The following ADAMTS13 variants were observed in gnomAD, a reference collection of about 807,000 sequenced individuals.
The protein encoded by ADAMTS13 is ADAM metallopeptidase with thrombospondin type 1 motif 13.
ADAMTS13 carries 110 observed loss-of-function variants against 155.1 expected under a neutral mutation model. The ratio of observed to expected loss-of-function variants is 0.71; its 90% CI spans 0.61 to 0.83. The LOEUF (loss-of-function observed/expected upper bound fraction) is 0.83. Among genes scored for constraint, ADAMTS13 ranks in the 40% least tolerant of loss-of-function variants. The pLI is 0.00. For synonymous variants in ADAMTS13, 758 were observed against 756.4 expected (o/e 1.00, Z -0.03); for missense variants, 1,707 against 1,891.7 (o/e 0.90, Z 1.81).
At position 133,440,023 on chromosome 9, in the gene ADAMTS13, G is replaced by A. The variant is rs1554790217; in HGVS notation, c.1787-321G>A. 1.3e-5 allele frequency among the ~76,000 whole-genome samples: 2 copies of A among 152,256 alleles called. No homozygotes were observed. The highest frequency in any genetic ancestry group is 2.4e-5 in the African/African-American group (1 of 41,460). Reference sequence around the variant, plus strand: ...CTGGACTTCTCTTTGGGCAAGGCCCGCTTCTTTGCTATTGAGGGCCACAGT... The same window carrying A: ...CTGGACTTCTCTTTGGGCAAGGCCCACTTCTTTGCTATTGAGGGCCACAGT... On this transcript the variant is annotated intron_variant, in intron 15 of 28. Coordinates refer to ENST00000355699, the MANE Select transcript of ADAMTS13 (RefSeq NM_139027.6). The surrounding 1 kb of genome is among the most constrained non-coding windows in gnomAD (Gnocchi z 4.3).
At chr9:133,417,722 C>G (rs1554781977), upstream of ADAMTS13, 1 of 1,614,158 alleles carries the variant, frequency 6.2e-7, no homozygotes, top group East Asian at 2.2e-5. Flanking sequence ...CTTCCCGCGC[C>G]TTGCTTTTCC....
intron 24 of ADAMTS13, 54 bp from the exon 25 acceptor site, chr9:133,455,231 C>G: frequency 9.5e-6 from 15 of 1,578,674 alleles, no homozygotes; most frequent in Non-Finnish European, 1.3e-5. Context: ...TTACCACTGT[C>G]CTTGTCACCT....
At chr9:133,457,704 G>C (rs1554796513) in intron 27 of ADAMTS13, among the ~76,000 whole-genome samples, 1 of 152,232 alleles carries the variant, frequency 6.6e-6, no homozygotes, top group Admixed American at 6.5e-5. Flanking sequence ...TTACAGAGGA[G>C]GGAACCAGAG....
At chr9:133,418,456 G>A (rs189837351), upstream of ADAMTS13, among the ~76,000 whole-genome samples, 30 of 152,338 alleles carry the variant, frequency 2.0e-4, no homozygotes, top group Middle Eastern at 3.4e-3. Context: ...GTTCCTGCCA[G>A]TTCACTCTGT....
rs1043301353 is a variant in ADAMTS13, at chr9:133,445,304, G to A, written c.2610+252G>A. Among the ~76,000 whole-genome samples, 1 of 152,198 alleles carries A rather than the reference G, an allele frequency of 6.6e-6. No homozygotes were observed. The highest frequency in any genetic ancestry group is 6.5e-5 in the Admixed American group (1 of 15,288). On this transcript the variant is annotated intron_variant, in intron 20 of 28. Coordinates refer to ENST00000355699, the MANE Select transcript of ADAMTS13 (RefSeq NM_139027.6). This position sits in a 1 kb window ranked among gnomAD's most constrained non-coding sequence, Gnocchi z 5.0. ...CTGAGGAGAGTGTAATGCAGCTGCTGTGCAGAGAAATGCTGCCAGGCTCCC... is the reference window on the plus strand; with the variant it reads ...CTGAGGAGAGTGTAATGCAGCTGCTATGCAGAGAAATGCTGCCAGGCTCCC...
chr9:133,447,969 G>A (rs1306730234), intron 21 of ADAMTS13, among the ~76,000 whole-genome samples: 3 of 151,320 alleles, frequency 2.0e-5, no homozygotes, highest in Non-Finnish European at 2.9e-5. Flanking sequence ...CACAATCAGA[G>A]ATTTTCATAT....
chr9:133,426,028 C>T lies in ADAMTS13; in HGVS notation c.505C>T (p.Pro169Ser). 6.2e-7 allele frequency: 1 copy of T among 1,614,062 alleles called. No individual in the cohort carries two copies. The highest frequency in any genetic ancestry group is 1.1e-5 in the South Asian group (1 of 91,084). ...QTINPEDDTD[P>S]GHADLVLYIT... ...CATCAACCCTGAGGACGACACGGAT[C>T]CTGGCCATGCTGACCTGGTCCTCTA... The change falls in exon 5 of 29, where the codon CCT (proline) becomes TCT (serine). Residue 169 changes from proline to serine, a missense_variant. Physicochemically the swap from Pro to Ser is moderately conservative, Grantham distance 74 (BLOSUM62 -1). Transcript: ENST00000355699.
intron 15 of ADAMTS13, 90 bp downstream of exon 15, chr9:133,439,536 C>A: frequency 8.2e-7 from 1 of 1,225,954 alleles, no homozygotes; most frequent in Non-Finnish European, 1.2e-6. Context: ...TGACATCACC[C>A]GCAAGTTCAG....
chr9:133,428,710 G>A lies in ADAMTS13; in HGVS notation c.763G>A (p.Ala255Thr), dbSNP rs1840464993. Residue 255 changes from alanine to threonine, a missense_variant, in exon 7 of 29, where the codon GCG becomes ACG. Ala to Thr is a moderately conservative substitution (Grantham distance 58, BLOSUM62 0). Transcript: ENST00000355699. ...SGHVMASDGAAPRAGLAWSPC... is the reference protein window; with the variant it reads ...SGHVMASDGATPRAGLAWSPC... ...ACACGTGATGGCTTCGGACGGCGCC[G>A]CGCCCCGCGCCGGCCTCGCCTGGTC... 1 of 1,352,838 alleles carries A rather than the reference G, an allele frequency of 7.4e-7. No homozygotes were observed. The allele number at this position is 1,352,838 out of a possible 1,614,324, so 83.8% of individuals were successfully genotyped here.
rs1554784625 is a variant in ADAMTS13, at chr9:133,424,398, C to T, written c.250C>T (p.Leu84=). 6.2e-7 allele frequency: 1 copy of T among 1,613,730 alleles called. No individual in the cohort carries two copies. Among genetic ancestry groups the T allele is most frequent in the Admixed American group, 1.7e-5 (1 of 60,028 alleles). The change falls in exon 3 of 29, where the codon CTG becomes TTG. Residue 84 remains leucine, a synonymous_variant. Coordinates refer to ENST00000355699, the MANE Select transcript of ADAMTS13 (RefSeq NM_139027.6). This position sits in a 1 kb window ranked among gnomAD's most constrained non-coding sequence, Gnocchi z 4.3. The part of the protein sequence containing the change: ...RAAGGILHLE[L]LVAVGPDVFQ... ...TGCAGGCGGCATCCTACACCTGGAG[C>T]TGCTGGTGGCCGTGGGCCCCGATGT...
rs1360733696 is a variant in ADAMTS13, at chr9:133,424,263, G to C, written c.173-58G>C. On this transcript the variant is annotated intron_variant, in intron 2 of 28. Coordinates refer to ENST00000355699, the MANE Select transcript of ADAMTS13 (RefSeq NM_139027.6). This position sits in a 1 kb window ranked among gnomAD's most constrained non-coding sequence, Gnocchi z 4.3. ...AGACCTGCCAGCCCCTTTCCTGTTA[G>C]CTTTCCACTGCTTGCTCTCTAGAAC... is the stretch of plus-strand genomic sequence containing the variant. 6.2e-7 allele frequency: 1 copy of C among 1,604,218 alleles called. No individual in the cohort carries two copies. The highest frequency in any genetic ancestry group is 1.7e-5 in the Admixed American group (1 of 60,004).
Position 133,438,349 on chromosome 9 carries a change from C to T in ADAMTS13, c.1688C>T (p.Thr563Ile), listed in dbSNP as rs1554789727. Residue 563 changes from threonine (T) to isoleucine (I), a missense_variant, in exon 14 of 29, where the codon ACA becomes ATA. Thr to Ile is a moderately conservative substitution (Grantham distance 89). Transcript: ENST00000355699. ...STCSPRKGSF[T>I]AGRAREYVTF... Reference sequence around the variant, plus strand: ...TGCAGCCCACGGAAGGGCTCTTTCACAGCTGGCAGAGCGAGAGGTAGGCGG... The same window carrying T: ...TGCAGCCCACGGAAGGGCTCTTTCATAGCTGGCAGAGCGAGAGGTAGGCGG... 2.5e-6 allele frequency: 4 copies of T among 1,614,026 alleles called. No individual in the cohort carries two copies. Among genetic ancestry groups the T allele is most frequent in the Non-Finnish European group, 3.4e-6 (4 of 1,180,012 alleles).
At chr9:133,439,263 A>T (rs1399274608) in intron 14 of ADAMTS13, 103 bp from the exon 15 acceptor site, 5 of 912,410 alleles carry the variant, frequency 5.5e-6, no homozygotes, top group Non-Finnish European at 9.2e-6. Flanking sequence ...AGCCAGCCCC[A>T]TGGCATTGTT....
At chr9:133,455,683 C>T in intron 25 of ADAMTS13, 1 of 1,542,036 alleles carries the variant, frequency 6.5e-7, no homozygotes, top group Non-Finnish European at 8.8e-7. Flanking sequence ...GAAGGACTGG[C>T]ACAAGCACTT....
At chr9:133,438,515 C>T in intron 14 of ADAMTS13, 149 bp downstream of exon 14, 2 of 1,282,062 alleles carry the variant, frequency 1.6e-6, no homozygotes, top group Admixed American at 2.2e-5. Flanking sequence ...GCGTCTCCCT[C>T]TTCCACTTCG....
At chr9:133,430,142 C>A (rs782444847) in intron 8 of ADAMTS13, 41 bp downstream of exon 8, 26 of 1,551,552 alleles carry the variant, frequency 1.7e-5, no homozygotes, top group Admixed American at 5.6e-5. Context: ...CTGTGAGGTC[C>A]CTCCGCATCA....
chr9:133,417,711 A>C (rs782060169), upstream of ADAMTS13: 4 of 1,613,976 alleles, frequency 2.5e-6, no homozygotes, highest in Admixed American at 5.0e-5. Flanking sequence ...CTTCTTGCTT[A>C]CTTCCCGCGC....
intron 19 of ADAMTS13, 121 bp downstream of exon 19, chr9:133,443,682 C>A (rs890686020): frequency 1.6e-5 from 18 of 1,124,814 alleles, no homozygotes; most frequent in Non-Finnish European, 2.1e-5. Flanking sequence ...CCTCACCATC[C>A]AGGGTGATGG....
Position 133,458,110 on chromosome 9 carries a change from G to A in ADAMTS13, c.3909+16G>A, listed in dbSNP as rs782572885. ...CTACATCTTGGTGAGGCCCAGCATG[G>A]GGACTTGTGCTGTGATTCTGGACAG... On this transcript the variant is annotated intron_variant, in intron 28 of 28. Transcript: ENST00000355699. 14 of 1,612,056 alleles carry A rather than the reference G, an allele frequency of 8.7e-6. No individual in the cohort carries two copies. In the Admixed American group the frequency reaches 2.0e-4, roughly 23 times the overall value.
Sources: gnomAD v4.1 joint callset for allele counts (sites outside exome capture counted in the v4.1 genomes callset) on GRCh38, gnomAD v4.1.1 for gene constraint, Gnocchi (gnomAD v3.1) non-coding constraint, MANE v1.5 for transcripts, NCBI Gene and HGNC (gene_info 2026-07-23, HGNC 2026-07-21) for gene names.